SLC12A7: variants seen among roughly 807,000 people sequenced by gnomAD.
The protein encoded by SLC12A7 is K-Cl cotransporter 4.
A neutral mutation model predicts 120.6 loss-of-function variants in SLC12A7; 100 were observed. The ratio of observed to expected loss-of-function variants is 0.83; its 90% CI spans 0.71 to 0.98. SLC12A7 has a LOEUF of 0.98. Among genes scored for constraint, SLC12A7 ranks in the 50% least tolerant of loss-of-function variants. SLC12A7 has a pLI of 0.00. For missense variants in SLC12A7, 1,373 were observed against 1,548.1 expected, an observed-to-expected ratio of 0.89 and a Z score of 1.90; for synonymous variants, 760 against 678.0, an observed-to-expected ratio of 1.12 and a Z score of -1.88.
At chr5:1,133,222 A>G in the SLC12A7 span, among the ~76,000 whole-genome samples, 23 of 152,270 alleles carry the variant, frequency 1.5e-4, no homozygotes, top group African/African-American at 5.3e-4. Flanking sequence ...AGCTGCTTCT[A>G]CTAAGAATTA....
At chr5:1,118,424 C>G in the SLC12A7 span, among the ~76,000 whole-genome samples, 1 of 152,230 alleles carries the variant, frequency 6.6e-6, no homozygotes, top group African/African-American at 2.4e-5. Context: ...CTGAGAACAT[C>G]GTGGGCAGGC....
At chr5:1,104,330 C>T (rs1435492530) in intron 1 of SLC12A7, among the ~76,000 whole-genome samples, 3 of 152,344 alleles carry the variant, frequency 2.0e-5, no homozygotes, top group South Asian at 2.1e-4. Context: ...TCAAGGATCA[C>T]TTTAACAACC....
Position 1,111,894 on chromosome 5 carries a change from C to A in SLC12A7, c.98G>T (p.Gly33Val), listed in dbSNP as rs1277035512. 1 of 1,236,490 alleles carries A rather than the reference C, an allele frequency of 8.1e-7. No individual in the cohort carries two copies. Among genetic ancestry groups the A allele is most frequent in the African/African-American group, 1.6e-5 (1 of 64,034 alleles). 76.6% of individuals were successfully genotyped at this position (1,236,490 alleles called of 1,614,324 possible). The change falls in exon 1 of 24, where the codon GGC (glycine) becomes GTC (valine). Residue 33 changes from glycine (G) to valine (V), a missense_variant. Gly to Val is a moderately radical substitution (Grantham distance 109). Coordinates refer to ENST00000264930, the MANE Select transcript of SLC12A7 (RefSeq NM_006598.3). ...CGGGCTGGGGCGCTCGGGCTCGGGGCCCTCGGGGGTGCCCGGAGCCTCCGT... is the reference window on the plus strand; with the variant it reads ...CGGGCTGGGGCGCTCGGGCTCGGGGACCTCGGGGGTGCCCGGAGCCTCCGT... ...ERTEAPGTPEGPEPERPSPGD... is the reference protein window; with the variant it reads ...ERTEAPGTPEVPEPERPSPGD...
chr5:1,074,691 G>T lies in SLC12A7; in HGVS notation c.1968-20C>A. Reference sequence around the variant, plus strand: ...TCGGCCCTGTGGGAAAGGAAGTCGGGGTTTGTCCAGCCGCGTACCTGGAGG... The same window carrying T: ...TCGGCCCTGTGGGAAAGGAAGTCGGTGTTTGTCCAGCCGCGTACCTGGAGG... On this transcript the variant is annotated intron_variant, in intron 15 of 23. Coordinates refer to ENST00000264930, the MANE Select transcript of SLC12A7 (RefSeq NM_006598.3). The T allele has an allele frequency of 6.2e-7, 1 of 1,609,874 alleles. No homozygotes were observed. The highest frequency in any genetic ancestry group is 8.5e-7 in the Non-Finnish European group (1 of 1,178,398).
rs1188656930 is a variant in SLC12A7, at chr5:1,088,299, C to A, written c.544+7G>T. 5 of 1,583,124 alleles carry A rather than the reference C, an allele frequency of 3.2e-6. No individual in the cohort carries two copies. In the African/African-American group the frequency reaches 4.0e-5, roughly 13 times the overall value. ...ACTCAGGGCCGCGGCTGGCGGGCAC[C>A]CCTTACCTGGGACCACACCGTTGGT... On this transcript the variant is annotated splice_region_variant and intron_variant, in intron 5 of 23. Transcript: ENST00000264930.
In SLC12A7 at chr5:1,081,711, G is replaced by A. The variant is rs975423467; in HGVS notation, c.1163C>T (p.Ala388Val). ...NLWSTYAHAG[A>V]FVEKKGVPSV... ...GGGCACACCTTTCTTCTCCACAAACGCCCCCGCGTGCGCGTACGTACTCCA... is the reference window on the plus strand; with the variant it reads ...GGGCACACCTTTCTTCTCCACAAACACCCCCGCGTGCGCGTACGTACTCCA... The change falls in exon 9 of 24, where the codon GCG becomes GTG. Residue 388 changes from alanine (A) to valine (V), a missense_variant. Ala to Val is a moderately conservative substitution (Grantham distance 64, BLOSUM62 0). Coordinates refer to ENST00000264930, the MANE Select transcript of SLC12A7 (RefSeq NM_006598.3). 25 of 1,612,800 alleles carry A rather than the reference G, an allele frequency of 1.6e-5. No homozygotes were observed. Among genetic ancestry groups the A allele is most frequent in the South Asian group, 3.3e-5 (3 of 91,088 alleles).
chr5:1,074,080 G>C (rs866226285), intron 16 of SLC12A7, among the ~76,000 whole-genome samples: 2 of 152,182 alleles, frequency 1.3e-5, no homozygotes, highest in Non-Finnish European at 2.9e-5. Flanking sequence ...CAGGACAGGA[G>C]AACAGGTAGG....
At chr5:1,130,700 G>A in the SLC12A7 span, among the ~76,000 whole-genome samples, 6 of 152,200 alleles carry the variant, frequency 3.9e-5, no homozygotes, top group Middle Eastern at 3.2e-3. Context: ...AGGGAGCAGC[G>A]GGAGCTTCCA....
At position 1,083,625 on chromosome 5, in the gene SLC12A7, C is replaced by G; in HGVS notation, c.1129+120G>C. The G allele has an allele frequency of 1.1e-5, 11 of 1,040,412 alleles. No homozygotes were observed. In the South Asian group the frequency reaches 1.4e-4, roughly 13 times the overall value. The allele number at this position is 1,040,412 out of a possible 1,614,324, so 64.4% of individuals were successfully genotyped here. A position where few individuals can be genotyped will look rare whatever the true frequency, so the allele number is the denominator to read the frequency against. On this transcript the variant is annotated intron_variant, in intron 8 of 23. Coordinates refer to ENST00000264930, the MANE Select transcript of SLC12A7 (RefSeq NM_006598.3). ...CTCATCAGCAGCAGCTGGGAAGGGG[C>G]TCGGCCAGGCAGGAGGAATTGGGGC...
chr5:1,073,446 C>T (rs1017055035), intron 17 of SLC12A7, among the ~76,000 whole-genome samples, 187 bp downstream of exon 17: 9 of 152,252 alleles, frequency 5.9e-5, no homozygotes, highest in African/African-American at 1.7e-4. Context: ...CCAAGCTTCC[C>T]GGGGTGCGGC....
intron 13 of SLC12A7, 43 bp from the exon 14 acceptor site, chr5:1,076,279 C>T: frequency 1.3e-6 from 2 of 1,506,306 alleles, no homozygotes; most frequent in East Asian, 2.4e-5. Context: ...ACTGGGCCCC[C>T]CTGAGCCCCC....
rs537255771 is a variant in SLC12A7 at position 1,110,979 on chromosome 5, T to TC, written c.124+888dup. On this transcript the variant is annotated intron_variant, in intron 1 of 23. Coordinates refer to ENST00000264930, the MANE Select transcript of SLC12A7 (RefSeq NM_006598.3). ...GATCTGGGGTCTGGCACCGGACTTG[T>TC]CCCTGGACAGACCTCACCTTCCTTC... Among the ~76,000 whole-genome samples, 81 of 152,318 alleles carry TC rather than the reference T, an allele frequency of 5.3e-4. 2 individuals are homozygous for TC. The South Asian group carries it at 0.016, about 31-fold the overall frequency.
At chr5:1,105,522 C>A (rs1742454559) in intron 1 of SLC12A7, among the ~76,000 whole-genome samples, 1 of 152,356 alleles carries the variant, frequency 6.6e-6, no homozygotes, top group South Asian at 2.1e-4. Flanking sequence ...GAGTCAGCGG[C>A]CACAAACAGG....
chr5:1,069,533 C>A (rs903473329), intron 17 of SLC12A7, among the ~76,000 whole-genome samples: 2 of 152,240 alleles, frequency 1.3e-5, no homozygotes, highest in Admixed American at 1.3e-4. Context: ...ACCTCGGACA[C>A]ACACCACTGC....
At position 1,050,698 on chromosome 5, in the gene SLC12A7, G is replaced by A; in HGVS notation, c.*1662C>T. 2.5e-6 allele frequency: 1 copy of A among 395,344 alleles called. No homozygotes were observed. The highest frequency in any genetic ancestry group is 4.5e-6 in the Non-Finnish European group (1 of 224,506). The allele number at this position is 395,344 out of a possible 1,614,324, so 24.5% of individuals were successfully genotyped here. A position where few individuals can be genotyped will look rare whatever the true frequency, so the allele number is the denominator to read the frequency against. ...CTCTCCTCCAGGTGCAGGGGACACA[G>A]GACCTGCCGGCCCCATCCAGACATG... is the stretch of plus-strand genomic sequence containing the variant. On this transcript the variant is annotated 3_prime_UTR_variant, in exon 24 of 24. Coordinates refer to ENST00000264930, the MANE Select transcript of SLC12A7 (RefSeq NM_006598.3).
chr5:1,141,206 C>G, the SLC12A7 span, among the ~76,000 whole-genome samples: 1 of 152,232 alleles, frequency 6.6e-6, no homozygotes, highest in Non-Finnish European at 1.5e-5. Context: ...CGTCCCTGCT[C>G]TGTGAGTGTC....
At chr5:1,140,200 G>A in the SLC12A7 span, among the ~76,000 whole-genome samples, 3 of 152,300 alleles carry the variant, frequency 2.0e-5, no homozygotes, top group East Asian at 1.9e-4. Context: ...CTGCAGCCCC[G>A]GCCCACCTGC....
the SLC12A7 span, among the ~76,000 whole-genome samples, chr5:1,119,819 C>T: frequency 3.9e-5 from 6 of 152,382 alleles, no homozygotes; most frequent in South Asian, 1.2e-3. Context: ...CTGTGATGGG[C>T]AGGCTGGGGG....
the SLC12A7 span, among the ~76,000 whole-genome samples, chr5:1,123,491 G>C: frequency 1.3e-5 from 2 of 152,188 alleles, no homozygotes; most frequent in East Asian, 1.9e-4. Flanking sequence ...GAGTTAAGCT[G>C]TCTAGCCTCC....
Sources: gnomAD v4.1 joint callset for allele counts (sites outside exome capture counted in the v4.1 genomes callset) on GRCh38, gnomAD v4.1.1 for gene constraint, MANE v1.5 for transcripts, NCBI Gene and HGNC (gene_info 2026-07-23, HGNC 2026-07-21) for gene names.